The following FIGNL2 variants were observed in gnomAD, a reference collection of about 807,000 sequenced individuals.
FIGNL2 encodes fidgetin like 2, also known as fidgetin-like protein 2.
For synonymous variants in FIGNL2, 565 were observed against 484.0 expected, an observed-to-expected ratio of 1.17 and a Z score of -2.20; for missense variants, 1,060 against 950.2, an observed-to-expected ratio of 1.12 and a Z score of -1.52.
chr12:51,830,072 T>A (rs1025555818), intron 1 of FIGNL2, among the ~76,000 whole-genome samples: 5 of 152,112 alleles, frequency 3.3e-5, no homozygotes, highest in Non-Finnish European at 5.9e-5. Flanking sequence ...GCGGATCACC[T>A]GAGGTCGGGA....
chr12:51,832,393 C>G (rs1177386500), intron 1 of FIGNL2, among the ~76,000 whole-genome samples: 5 of 152,070 alleles, frequency 3.3e-5, no homozygotes, highest in Admixed American at 6.6e-5. Flanking sequence ...TTCTATGCTA[C>G]TGTTTCTTAT....
chr12:51,839,800 CCT>C (rs1435297286), intron 1 of FIGNL2, among the ~76,000 whole-genome samples: 2 of 152,202 alleles, frequency 1.3e-5, no homozygotes, highest in African/African-American at 4.8e-5. Context: ...TCAGCCAGCC[CCT>C]GTCTGTGAGC....
At chr12:51,827,514 C>T (rs1286788115) in intron 1 of FIGNL2, among the ~76,000 whole-genome samples, 1 of 152,164 alleles carries the variant, frequency 6.6e-6, no homozygotes, top group Non-Finnish European at 1.5e-5. Context: ...GCCTGAGCCA[C>T]TGCACCCAGC....
chr12:51,826,671 A>G (rs1215972037), intron 1 of FIGNL2, among the ~76,000 whole-genome samples: 1 of 151,200 alleles, frequency 6.6e-6, no homozygotes, highest in African/African-American at 2.4e-5. Flanking sequence ...AAATCTAACC[A>G]GGAAGCAGGG....
In FIGNL2 at chr12:51,822,055, G is replaced by C. The variant is rs1939224785; in HGVS notation, c.359C>G (p.Ser120Trp). ...GGCCCCGGAACCGCCGCCACCGCCC[G>C]ATTTGGTTCCTGGGAGGCCTTCGTG... ...SLHEGLPGTKSGGGGGSGALG... is the reference protein window; with the variant it reads ...SLHEGLPGTKWGGGGGSGALG... Residue 120 changes from serine to tryptophan, a missense_variant, in exon 2 of 2, where the codon TCG becomes TGG. Ser to Trp is a radical substitution (Grantham distance 177, BLOSUM62 -3). Transcript: ENST00000618634. 1 of 1,609,950 alleles carries C rather than the reference G, an allele frequency of 6.2e-7. No homozygotes were observed. Among genetic ancestry groups the C allele is most frequent in the African/African-American group, 1.3e-5 (1 of 74,874 alleles).
chr12:51,836,410 C>T (rs303790), intron 1 of FIGNL2, among the ~76,000 whole-genome samples: 137,022 of 151,652 alleles, frequency 0.9, 62,787 homozygotes, highest in Non-Finnish European at 0.98. Context: ...TGGGGGCCAG[C>T]AGAGAGGGAG....
rs1447375776 is a variant in FIGNL2 at position 51,820,844 on chromosome 12, C to A, written c.1570G>T (p.Ala524Ser). 6 of 1,456,326 alleles carry A rather than the reference C, an allele frequency of 4.1e-6. No individual in the cohort carries two copies. The East Asian group carries it at 1.5e-4, about 37-fold the overall frequency. 90.2% of individuals were successfully genotyped at this position (1,456,326 alleles called of 1,614,324 possible). Residue 524 changes from alanine to serine, a missense_variant, in exon 2 of 2, where the codon GCG (alanine) becomes TCG (serine). By Grantham distance (99) the Ala-to-Ser change is moderately conservative. Coordinates refer to ENST00000618634, the MANE Select transcript of FIGNL2 (RefSeq NM_001384995.1). Reference sequence around the variant, plus strand: ...ACAACCAGCACGCCGTCAGCCCCCGCGCCGCAGCCCCCGTCCAGGCAGGCC... The same window carrying A: ...ACAACCAGCACGCCGTCAGCCCCCGAGCCGCAGCCCCCGTCCAGGCAGGCC... ...LLACLDGGCG[A>S]GADGVLVVGT...
In FIGNL2 at chr12:51,848,493, A is replaced by T. The variant is rs934911694; in HGVS notation, c.-12+47T>A. On this transcript the variant is annotated intron_variant, in intron 1 of 1. Coordinates refer to ENST00000618634, the MANE Select transcript of FIGNL2 (RefSeq NM_001384995.1). The stretch of plus-strand genomic sequence containing the variant: ...ACAAAGCTCCGGACACCCTGACCGA[A>T]CGGTCACCTCCCCCCGCCCCATCCC... 3.1e-6 allele frequency: 3 copies of T among 981,678 alleles called. No individual in the cohort carries two copies. The East Asian group carries it at 3.5e-4, about 113-fold the overall frequency. 60.8% of individuals were successfully genotyped at this position (981,678 alleles called of 1,614,324 possible). A position where few individuals can be genotyped will look rare whatever the true frequency, so the allele number is the denominator to read the frequency against.
rs5798189 is a variant in FIGNL2, at chr12:51,843,544, C to CAA, written c.-12+4994_-12+4995dup. On this transcript the variant is annotated intron_variant, in intron 1 of 1. Transcript: ENST00000618634. ...GCCTGGGTGACAGAAGAGACAATCT[C>CAA]AAAAAAAAAAAAAAAGAGTCAATGC... Among the ~76,000 whole-genome samples, 878 of 125,024 alleles carry CAA rather than the reference C, an allele frequency of 7.0e-3. 13 individuals carry two copies. The highest frequency in any genetic ancestry group is 0.022 in the African/African-American group (705 of 32,570). 82.0% of individuals were successfully genotyped at this position (125,024 alleles called of 152,430 possible). A position where few individuals can be genotyped will look rare whatever the true frequency, so the allele number is the denominator to read the frequency against.
At chr12:51,833,616 G>A (rs541322392) in intron 1 of FIGNL2, among the ~76,000 whole-genome samples, 2 of 151,814 alleles carry the variant, frequency 1.3e-5, no homozygotes, top group East Asian at 1.9e-4. Context: ...AGCTCCTCCC[G>A]CCACGCTGCT....
At chr12:51,835,606 T>A (rs1408572640) in intron 1 of FIGNL2, 1 of 152,110 alleles carries the variant, frequency 6.6e-6, no homozygotes, top group Non-Finnish European at 1.5e-5. Flanking sequence ...AAAATAAAAA[T>A]TTTACTTCCT....
chr12:51,830,203 C>T (rs995543277), intron 1 of FIGNL2, among the ~76,000 whole-genome samples: 9 of 150,636 alleles, frequency 6.0e-5, no homozygotes, highest in Non-Finnish European at 7.4e-5. Flanking sequence ...GCAGGAGAAT[C>T]GCTTGAACCT....
intron 1 of FIGNL2, among the ~76,000 whole-genome samples, chr12:51,845,934 G>T (rs1169335623): frequency 6.6e-6 from 1 of 152,078 alleles, no homozygotes; most frequent in Admixed American, 6.6e-5. Flanking sequence ...CCGGACTTGG[G>T]GGGGTGGGGT....
In FIGNL2 at chr12:51,822,252, G is replaced by C. The variant is rs775765000; in HGVS notation, c.162C>G (p.Leu54=). 6.2e-7 allele frequency: 1 copy of C among 1,611,350 alleles called. No individual in the cohort carries two copies. The highest frequency in any genetic ancestry group is 2.2e-5 in the East Asian group (1 of 44,790). ...YAWAHDDISA[L]TASNLLKRYA... is the part of the protein sequence containing the mutation. ...AGCGCTTTAGGAGGTTGGAGGCAGT[G>C]AGGGCTGAGATGTCGTCGTGTGCCC... The change falls in exon 2 of 2, where the codon CTC becomes CTG. Residue 54 remains leucine, a synonymous_variant. Transcript: ENST00000618634.
In FIGNL2 at chr12:51,844,061, G is replaced by A. The variant is rs190970628; in HGVS notation, c.-12+4479C>T. Among the ~76,000 whole-genome samples the A allele has an allele frequency of 2.8e-3, 433 of 152,226 alleles. 3 individuals are homozygous for A. The highest frequency in any genetic ancestry group is 9.8e-3 in the African/African-American group (405 of 41,532). ...AGTCACTAAGCGGGTCCCCAAGGTA[G>A]GCTTCAGAATCAAAGGGGCAGACTA... On this transcript the variant is annotated intron_variant, in intron 1 of 1. Transcript: ENST00000618634.
Position 51,821,839 on chromosome 12 carries a change from G to T in FIGNL2, c.575C>A (p.Pro192Gln). The stretch of plus-strand genomic sequence containing the variant: ...CGCTGAGGGCCCGTACCCCGGAGGC[G>T]GTGGGGGCTGCAGGAGCGCGGCCGG... ...PPPAALLQPP[P>Q]PPGYGPSAPL... The change falls in exon 2 of 2, where the codon CCG (proline) becomes CAG (glutamine). Residue 192 changes from proline (P) to glutamine (Q), a missense_variant. Coordinates refer to ENST00000618634, the MANE Select transcript of FIGNL2 (RefSeq NM_001384995.1). The T allele has an allele frequency of 7.8e-7, 1 of 1,280,420 alleles. No individual in the cohort carries two copies. Among genetic ancestry groups the T allele is most frequent in the Non-Finnish European group, 9.8e-7 (1 of 1,016,888 alleles). 79.3% of individuals were successfully genotyped at this position (1,280,420 alleles called of 1,614,324 possible).
chr12:51,822,120 G>C lies in FIGNL2; in HGVS notation c.294C>G (p.Pro98=), dbSNP rs757857535. The change falls in exon 2 of 2, where the codon CCC becomes CCG. Residue 98 remains proline, a synonymous_variant. Transcript: ENST00000618634. ...GGTAGGGTGGCTCCGGCCCTGGCCA[G>C]GGCTCGGGATCCCCTTTGGCGCCGT... ...FLNGAKGDPE[P]WPGPEPPYPL... The C allele has an allele frequency of 1.2e-6, 2 of 1,610,898 alleles. No homozygotes were observed. Among genetic ancestry groups the C allele is most frequent in the East Asian group, 2.2e-5 (1 of 44,732 alleles).
At position 51,819,022 on chromosome 12, in the gene FIGNL2, AGGGAT is replaced by A. The variant is rs973702919; in HGVS notation, c.*1425_*1429del. The A allele has an allele frequency of 6.6e-6, 1 of 152,260 alleles. No homozygotes were observed. The highest frequency in any genetic ancestry group is 1.5e-5 in the Non-Finnish European group (1 of 68,130). The allele number at this position is 152,260 out of a possible 1,614,324, so 9.4% of individuals were successfully genotyped here. A position where few individuals can be genotyped will look rare whatever the true frequency, so the allele number is the denominator to read the frequency against. ...TTTCCTCACAGAGCCCCCACAAGTG[AGGGAT>A]GCTCACTCCTCCTCAGAGCCTCCAG... On this transcript the variant is annotated 3_prime_UTR_variant, in exon 2 of 2. Coordinates refer to ENST00000618634, the MANE Select transcript of FIGNL2 (RefSeq NM_001384995.1).
intron 1 of FIGNL2, among the ~76,000 whole-genome samples, chr12:51,835,983 G>T (rs1047161410): frequency 6.6e-5 from 10 of 151,946 alleles, no homozygotes; most frequent in Non-Finnish European, 1.3e-4. Context: ...GCTAATTGTT[G>T]TATTTTTAGT....
Sources: gnomAD v4.1 joint callset for allele counts (sites outside exome capture counted in the v4.1 genomes callset) on GRCh38, gnomAD v4.1.1 for gene constraint, MANE v1.5 for transcripts, NCBI Gene and HGNC (gene_info 2026-07-23, HGNC 2026-07-21) for gene names.